CYP3A5: variants seen among roughly 807,000 people sequenced by gnomAD.
CYP3A5 encodes the protein cytochrome P450 3A5.
A neutral mutation model predicts 55.9 loss-of-function variants in CYP3A5; 51 were observed. That is an observed-to-expected ratio of 0.91 (90% CI 0.73 to 1.15). CYP3A5 has a LOEUF of 1.15. Among genes scored for constraint, CYP3A5 ranks in the 50% most tolerant of loss-of-function variants. CYP3A5 has a pLI of 0.00. For synonymous variants in CYP3A5, 196 were observed against 213.9 expected (o/e 0.92, Z 0.73); for missense variants, 533 against 596.6 (o/e 0.89, Z 1.11).
At chr7:99,661,157 C>T (rs1363712717) in intron 9 of CYP3A5, among the ~76,000 whole-genome samples, 1 of 152,148 alleles carries the variant, frequency 6.6e-6, no homozygotes, top group Non-Finnish European at 1.5e-5. Flanking sequence ...TTTGAGGGAA[C>T]TTAAAGGACC....
chr7:99,665,023 A>G, intron 7 of CYP3A5, 143 bp downstream of exon 7: 2 of 838,338 alleles, frequency 2.4e-6, no homozygotes, highest in Non-Finnish European at 3.6e-6. Context: ...TTAGTTTACA[A>G]TAGTAATGGT....
intron 4 of CYP3A5, among the ~76,000 whole-genome samples, chr7:99,669,947 C>T (rs1203622989): frequency 6.6e-6 from 1 of 152,058 alleles, no homozygotes; most frequent in East Asian, 1.9e-4. Context: ...AGTATTATTG[C>T]ATAATACATC....
intron 1 of CYP3A5, among the ~76,000 whole-genome samples, chr7:99,679,017 C>T (rs1165801430): frequency 6.6e-6 from 1 of 152,200 alleles, no homozygotes; most frequent in Non-Finnish European, 1.5e-5. Context: ...TTTCATGGCT[C>T]CTGCCTTTTC....
chr7:99,660,557 G>T lies in CYP3A5; in HGVS notation c.968C>A (p.Thr323Asn). ...VLSFTLYELA[T>N]HPDVQQKLQK... ...CAGTTTCTGCTGGACATCAGGGTGA[G>T]TGGCCAGTTCATATAAAGTGAAGGA... The change falls in exon 10 of 13, where the codon ACT (threonine) becomes AAT (asparagine). Residue 323 changes from threonine (T) to asparagine (N), a missense_variant. Physicochemically the swap from Thr to Asn is moderately conservative, Grantham distance 65. Coordinates refer to ENST00000222982, the MANE Select transcript of CYP3A5 (RefSeq NM_000777.5). The T allele has an allele frequency of 1.2e-6, 2 of 1,613,938 alleles. No individual in the cohort carries two copies. Among genetic ancestry groups the T allele is most frequent in the Non-Finnish European group, 1.7e-6 (2 of 1,179,978 alleles).
At chr7:99,659,606 A>T (rs1284331228) in intron 10 of CYP3A5, 1 of 152,598 alleles carries the variant, frequency 6.6e-6, no homozygotes, top group African/African-American at 2.4e-5. Flanking sequence ...CAAAGCTGTC[A>T]GACAGGGACA....
chr7:99,650,687 A>G (rs1260609162), intron 11 of CYP3A5, among the ~76,000 whole-genome samples: 1 of 151,830 alleles, frequency 6.6e-6, no homozygotes, highest in East Asian at 1.9e-4. Flanking sequence ...TTCTCCTGTC[A>G]TCTCTTTTTT....
Position 99,660,578 on chromosome 7 carries a change from A to T in CYP3A5, c.947T>A (p.Phe316Tyr). ...GTGAGTGGCCAGTTCATATAAAGTG[A>T]AGGAAAGAACACTGCTGGTGGTTTC... The part of the protein sequence containing the change: ...GYETTSSVLS[F>Y]TLYELATHPD... Residue 316 changes from phenylalanine (F) to tyrosine (Y), a missense_variant, in exon 10 of 13, where the codon TTC (phenylalanine) becomes TAC (tyrosine). Transcript: ENST00000222982. 3.7e-6 allele frequency: 6 copies of T among 1,613,956 alleles called. No homozygotes were observed. The highest frequency in any genetic ancestry group is 2.2e-5 in the East Asian group (1 of 44,872).
At chr7:99,658,306 G>C (rs1251459752) in intron 10 of CYP3A5, among the ~76,000 whole-genome samples, 1 of 152,070 alleles carries the variant, frequency 6.6e-6, no homozygotes, top group South Asian at 2.1e-4. Context: ...GCATTTGCTT[G>C]TCTGTAAAGT....
intron 10 of CYP3A5, among the ~76,000 whole-genome samples, chr7:99,655,007 A>G (rs1809566452): frequency 2.0e-5 from 3 of 151,692 alleles, no homozygotes; most frequent in African/African-American, 7.3e-5. Flanking sequence ...GGTTGCAAAA[A>G]TTTTCTCCCA....
At chr7:99,652,380 C>A (rs558022127) in intron 11 of CYP3A5, 173 bp downstream of exon 11, 1 of 501,392 alleles carries the variant, frequency 2.0e-6, no homozygotes, top group Non-Finnish European at 3.5e-6. Flanking sequence ...GATGTAGTTT[C>A]GTTTTTTCTA....
Position 99,664,106 on chromosome 7 carries a change from A to G in CYP3A5, c.671-11T>C. ...GGAATGGAAAGAGTACTGTGGGAAA[A>G]ACAAAACAAACAAAAGGAAATCATT... is the stretch of plus-strand genomic sequence containing the variant. On this transcript the variant is annotated splice_polypyrimidine_tract_variant and intron_variant, in intron 7 of 12. Coordinates refer to ENST00000222982, the MANE Select transcript of CYP3A5 (RefSeq NM_000777.5). The G allele has an allele frequency of 6.4e-6, 10 of 1,551,822 alleles. No individual in the cohort carries two copies. The highest frequency in any genetic ancestry group is 8.6e-6 in the Non-Finnish European group (10 of 1,158,180).
chr7:99,675,400 G>T (rs1179760760), intron 2 of CYP3A5, among the ~76,000 whole-genome samples: 5 of 152,046 alleles, frequency 3.3e-5, no homozygotes, highest in African/African-American at 7.2e-5. Flanking sequence ...GTAAAATTGT[G>T]TAGAATTCTC....
chr7:99,649,459 A>G (rs1165005380), intron 12 of CYP3A5, among the ~76,000 whole-genome samples: 2 of 152,360 alleles, frequency 1.3e-5, no homozygotes, highest in East Asian at 3.9e-4. Context: ...CTGGAACATA[A>G]GGTCAAGGAG....
In CYP3A5 at chr7:99,662,804, C is replaced by T. The variant is rs770099217; in HGVS notation, c.865+12G>A. 6 of 1,612,978 alleles carry T rather than the reference C, an allele frequency of 3.7e-6. No homozygotes were observed. The highest frequency in any genetic ancestry group is 4.2e-6 in the Non-Finnish European group (5 of 1,179,022). On this transcript the variant is annotated intron_variant, in intron 9 of 12. Transcript: ENST00000222982. The surrounding 1 kb of genome is among the most constrained non-coding windows in gnomAD (Gnocchi z 4.3). ...TCCCCGCCAGTAGCCCTCAGAAGCA[C>T]TCCTTGGTTACCTTTGTGGGACTCA...
At position 99,650,159 on chromosome 7, in the gene CYP3A5, C is replaced by T. The variant is rs377454308; in HGVS notation, c.1327G>A (p.Gly443Ser). 3 of 1,613,960 alleles carry T rather than the reference C, an allele frequency of 1.9e-6. No homozygotes were observed. Among genetic ancestry groups the T allele is most frequent in the Non-Finnish European group, 2.5e-6 (3 of 1,179,978 alleles). ...ATGTTCATGAGAGCAAACCTCATGC[C>T]AATGCAGTTTCTGGGTCCAGTTCCA... ...PFGTGPRNCIGMRFALMNMKL... is the reference protein window; with the variant it reads ...PFGTGPRNCISMRFALMNMKL... The change falls in exon 12 of 13, where the codon GGC (glycine) becomes AGC (serine). Residue 443 changes from glycine (G) to serine (S), a missense_variant. Transcript: ENST00000222982.
intron 8 of CYP3A5, chr7:99,663,749 ATTG>A: frequency 1.7e-6 from 2 of 1,210,976 alleles, no homozygotes; most frequent in Non-Finnish European, 2.1e-6. Context: ...TGACATACTA[ATTG>A]TTGTGCCTGA....
chr7:99,663,097 T>A (rs1044143606), intron 8 of CYP3A5: 2 of 1,282,842 alleles, frequency 1.6e-6, no homozygotes, highest in African/African-American at 3.0e-5. Flanking sequence ...AGCTATCATG[T>A]CCAATTGCTT....
chr7:99,679,953 T>C lies in CYP3A5; in HGVS notation c.-57A>G, dbSNP rs371951755. The C allele has an allele frequency of 3.3e-5, 49 of 1,497,764 alleles. 2 individuals are homozygous for C. Among genetic ancestry groups the C allele is most frequent in the East Asian group, 1.4e-4 (6 of 44,248 alleles). 92.8% of individuals were successfully genotyped at this position (1,497,764 alleles called of 1,614,324 possible). ...AGTCTTCCTTTTAGCTGAGTGCTGCTGTTTGCTGGGCTGTTTGCCTGGAGC... is the reference window on the plus strand; with the variant it reads ...AGTCTTCCTTTTAGCTGAGTGCTGCCGTTTGCTGGGCTGTTTGCCTGGAGC... On this transcript the variant is annotated 5_prime_UTR_variant, in exon 1 of 13. Transcript: ENST00000222982.
chr7:99,654,556 G>C (rs12333599), intron 10 of CYP3A5, among the ~76,000 whole-genome samples: 43,008 of 152,094 alleles, frequency 0.28, 12,038 homozygotes, highest in African/African-American at 0.72. Flanking sequence ...GTGCATGTGT[G>C]TTTATAGCAG....
Sources: allele counts gnomAD v4.1 joint callset (sites outside exome capture counted in the v4.1 genomes callset), GRCh38; gene constraint gnomAD v4.1.1; non-coding constraint Gnocchi (gnomAD v3.1); transcripts MANE v1.5; gene names NCBI Gene and HGNC (gene_info 2026-07-23, HGNC 2026-07-21).